ABCC1: variants seen among roughly 807,000 people sequenced by gnomAD.
The protein encoded by ABCC1 is multidrug resistance-associated protein 1.
ABCC1 carries 83 observed loss-of-function variants against 172.9 expected under a neutral mutation model. The observed-to-expected ratio is 0.48, with a 90% CI of 0.40 to 0.58. The LOEUF (loss-of-function observed/expected upper bound fraction) is 0.58, where lower values mean the gene tolerates loss of function less well. ABCC1 is among the 20% of genes least tolerant of loss of function. The pLI is 0.00. For synonymous variants in ABCC1, 937 were observed against 825.2 expected, an observed-to-expected ratio of 1.14 and a Z score of -2.32; for missense variants, 1,817 against 2,002.7, an observed-to-expected ratio of 0.91 and a Z score of 1.77.
At chr16:16,075,455 C>G (rs1483278753) in intron 14 of ABCC1, among the ~76,000 whole-genome samples, 7 of 151,722 alleles carry the variant, frequency 4.6e-5, no homozygotes, top group African/African-American at 1.7e-4. Flanking sequence ...CAAGACCCCA[C>G]CTCTACAAAA....
intron 2 of ABCC1, among the ~76,000 whole-genome samples, chr16:16,009,351 T>C (rs1427336011): frequency 6.6e-6 from 1 of 152,176 alleles, no homozygotes. Flanking sequence ...TCTGAATCAT[T>C]TGAGAATGGA....
intron 1 of ABCC1, among the ~76,000 whole-genome samples, chr16:15,994,730 C>T (rs905101493): frequency 1.3e-5 from 2 of 151,878 alleles, no homozygotes; most frequent in Non-Finnish European, 2.9e-5. Flanking sequence ...AGGCCTACCC[C>T]CTGCAGATTA....
chr16:15,978,695 C>G (rs1216044740), intron 1 of ABCC1, among the ~76,000 whole-genome samples: 1 of 151,916 alleles, frequency 6.6e-6, no homozygotes, highest in Non-Finnish European at 1.5e-5. Context: ...TCTTCAGAGT[C>G]ACTAAATACT....
Position 16,134,490 on chromosome 16 carries a change from G to C in ABCC1, c.4107G>C (p.Lys1369Asn), listed in dbSNP as rs755293600. The C allele has an allele frequency of 2.5e-6, 4 of 1,614,174 alleles. No individual in the cohort carries two copies. The South Asian group carries it at 4.4e-5, about 18-fold the overall frequency. ...AKIGLHDLRF[K>N]ITIIPQDPVL... ...TCGGCCTGCACGACCTCCGCTTCAA[G>C]ATCACCATCATCCCCCAGGTGGGGT... The change falls in exon 28 of 31, where the codon AAG (lysine) becomes AAC (asparagine). Residue 1369 changes from lysine to asparagine, a missense_variant. By Grantham distance (94) the Lys-to-Asn change is moderately conservative. Coordinates refer to ENST00000399410, the MANE Select transcript of ABCC1 (RefSeq NM_004996.4).
intron 21 of ABCC1, among the ~76,000 whole-genome samples, chr16:16,110,114 T>TC (rs2052322657): frequency 6.7e-6 from 1 of 150,304 alleles, no homozygotes; most frequent in South Asian, 2.1e-4. Flanking sequence ...TTTTTTTTTT[T>TC]TTCCCCCTGG....
rs59271219 is a variant in ABCC1, at chr16:15,979,309, CA to C, written c.49-28497del. On this transcript the variant is annotated intron_variant, in intron 1 of 30. Transcript: ENST00000399410. Reference sequence around the variant, plus strand: ...TGTCTCAAACAAACAAACAAACAAACAAAAAAAAAACAAAATTTTTTTTCCA... The same window carrying C: ...TGTCTCAAACAAACAAACAAACAAACAAAAAAAAACAAAATTTTTTTTCCA... Among the ~76,000 whole-genome samples the C allele has an allele frequency of 3.5e-3, 526 of 150,110 alleles. 2 individuals carry two copies. Among genetic ancestry groups the C allele is most frequent in the African/African-American group, 0.011 (463 of 40,792 alleles).
chr16:16,018,552 A>G (rs983435987), intron 5 of ABCC1, among the ~76,000 whole-genome samples: 2 of 152,124 alleles, frequency 1.3e-5, no homozygotes, highest in Non-Finnish European at 2.9e-5. Context: ...CTGTCTCAAA[A>G]AAAGAAAAAA....
At chr16:16,102,555 G>C (rs1451070899) in intron 19 of ABCC1, 72 bp from the exon 20 acceptor site, 1 of 1,457,866 alleles carries the variant, frequency 6.9e-7, no homozygotes, top group Non-Finnish European at 9.4e-7. Flanking sequence ...GAAGTGGCCG[G>C]TTTTTGTTGC....
At chr16:16,060,998 G>A (rs926132556) in intron 12 of ABCC1, among the ~76,000 whole-genome samples, 1 of 151,940 alleles carries the variant, frequency 6.6e-6, no homozygotes, top group Non-Finnish European at 1.5e-5. Flanking sequence ...TGTATTTTTA[G>A]TAGAGACGGG....
chr16:16,075,770 A>G (rs1432419525), intron 14 of ABCC1, among the ~76,000 whole-genome samples: 2 of 152,162 alleles, frequency 1.3e-5, no homozygotes, highest in Non-Finnish European at 2.9e-5. Context: ...AGAAAGATCC[A>G]CCTGCTGTGA....
intron 5 of ABCC1, among the ~76,000 whole-genome samples, chr16:16,025,547 T>G (rs573475132): frequency 6.6e-6 from 1 of 152,204 alleles, no homozygotes; most frequent in Non-Finnish European, 1.5e-5. Flanking sequence ...GGGGGGCACT[T>G]TGGCAGTGCA....
At chr16:16,138,779 G>A (rs958157123) in intron 30 of ABCC1, among the ~76,000 whole-genome samples, 1 of 142,156 alleles carries the variant, frequency 7.0e-6, no homozygotes. Flanking sequence ...GTGTGATCTC[G>A]GCTCACTGCA....
intron 1 of ABCC1, among the ~76,000 whole-genome samples, chr16:15,996,311 A>G (rs1023399573): frequency 6.6e-6 from 1 of 151,998 alleles, no homozygotes; most frequent in African/African-American, 2.4e-5. Context: ...TTTTGTAGAG[A>G]TACAGTCTCA....
At chr16:15,975,985 G>T (rs768672008) in intron 1 of ABCC1, among the ~76,000 whole-genome samples, 3 of 152,108 alleles carry the variant, frequency 2.0e-5, no homozygotes, top group African/African-American at 4.8e-5. Context: ...CTCAACAGAG[G>T]CCAGACGCGG....
chr16:15,979,320 C>CA (rs979373238), intron 1 of ABCC1, among the ~76,000 whole-genome samples: 1 of 151,508 alleles, frequency 6.6e-6, no homozygotes, highest in African/African-American at 2.4e-5. Flanking sequence ...AAAAAAAAAA[C>CA]AAAATTTTTT....
intron 5 of ABCC1, among the ~76,000 whole-genome samples, chr16:16,030,167 T>A (rs572239935): frequency 6.6e-6 from 1 of 152,302 alleles, no homozygotes; most frequent in South Asian, 2.1e-4. Context: ...AACAATGACC[T>A]GGTTCACTGA....
chr16:16,140,413 A>T (rs2046083224), intron 30 of ABCC1, among the ~76,000 whole-genome samples: 1 of 152,132 alleles, frequency 6.6e-6, no homozygotes, highest in Non-Finnish European at 1.5e-5. Flanking sequence ...CAGTGGTGGG[A>T]TCACAGCTCA....
intron 1 of ABCC1, among the ~76,000 whole-genome samples, chr16:15,950,915 G>A (rs879421918): frequency 6.6e-6 from 1 of 152,106 alleles, no homozygotes; most frequent in Non-Finnish European, 1.5e-5. Flanking sequence ...CCATTGGAGG[G>A]TTTGGTTTTG....
chr16:16,066,948 C>T (rs1446322632), intron 12 of ABCC1, among the ~76,000 whole-genome samples: 1 of 151,846 alleles, frequency 6.6e-6, no homozygotes, highest in Non-Finnish European at 1.5e-5. Context: ...TGTTGCGTTA[C>T]CGCTTAGAAG....
Sources: allele counts gnomAD v4.1 joint callset (sites outside exome capture counted in the v4.1 genomes callset), GRCh38; gene constraint gnomAD v4.1.1; transcripts MANE v1.5; gene names NCBI Gene and HGNC (gene_info 2026-07-23, HGNC 2026-07-21).